The following ZFAND3 variants were observed in gnomAD, a reference collection of about 807,000 sequenced individuals.
ZFAND3 encodes AN1-type zinc finger protein 3.
A neutral mutation model predicts 29.6 loss-of-function variants in ZFAND3; 10 were observed. The observed-to-expected ratio is 0.34, with a 90% confidence interval of 0.21 to 0.57. The LOEUF is 0.57. Ranked by LOEUF, ZFAND3 falls within the 20% of genes least tolerant of loss-of-function variation. The probability of loss-of-function intolerance (pLI) is 0.86; values close to 1 mark genes in which losing one functional copy is unlikely to be tolerated. For synonymous variants in ZFAND3, 128 were observed against 112.6 expected (o/e 1.14, Z -0.87); for missense variants, 230 against 304.5 (o/e 0.76, Z 1.82).
At chr6:37,957,781 A>G (rs1377445491) in intron 2 of ZFAND3, among the ~76,000 whole-genome samples, 1 of 152,180 alleles carries the variant, frequency 6.6e-6, no homozygotes, top group Non-Finnish European at 1.5e-5. Context: ...TTTGTATGCT[A>G]GTTGCATACG....
intron 1 of ZFAND3, among the ~76,000 whole-genome samples, chr6:37,855,903 T>G (rs902868230): frequency 3.3e-5 from 5 of 152,196 alleles, no homozygotes; most frequent in African/African-American, 4.8e-5. Context: ...CATTATACCT[T>G]TCTTGAATGC....
At chr6:38,045,901 A>G (rs1763894266) in intron 2 of ZFAND3, among the ~76,000 whole-genome samples, 1 of 152,236 alleles carries the variant, frequency 6.6e-6, no homozygotes, top group Non-Finnish European at 1.5e-5. Flanking sequence ...AAATGGAAAT[A>G]CTGTGTAAGC....
intron 1 of ZFAND3, among the ~76,000 whole-genome samples, chr6:37,924,475 AGGCATGTG>A (rs1352214324): frequency 6.6e-6 from 1 of 152,168 alleles, no homozygotes; most frequent in Non-Finnish European, 1.5e-5. Context: ...GCAGGCAAAC[AGGCATGTG>A]GTGAGATATC....
At chr6:38,118,686 C>T (rs1423282110) in intron 5 of ZFAND3, among the ~76,000 whole-genome samples, 7 of 148,998 alleles carry the variant, frequency 4.7e-5, no homozygotes, top group Non-Finnish European at 1.0e-4. Context: ...AAGATGTAAC[C>T]AGGTCTCCTA....
At chr6:38,072,965 T>G (rs1764484592) in intron 3 of ZFAND3, among the ~76,000 whole-genome samples, 1 of 152,206 alleles carries the variant, frequency 6.6e-6, no homozygotes, top group Non-Finnish European at 1.5e-5. Flanking sequence ...CATTTTCAAC[T>G]ATTAGTTGCA....
At chr6:37,886,894 C>T (rs1212872090) in intron 1 of ZFAND3, among the ~76,000 whole-genome samples, 2 of 152,122 alleles carry the variant, frequency 1.3e-5, no homozygotes, top group African/African-American at 4.8e-5. Context: ...ATTCCAGCTA[C>T]TCAGGAGGCT....
At chr6:37,842,584 T>C (rs1764098817) in intron 1 of ZFAND3, among the ~76,000 whole-genome samples, 1 of 152,202 alleles carries the variant, frequency 6.6e-6, no homozygotes, top group Admixed American at 6.5e-5. Flanking sequence ...TACCCTAATT[T>C]GCTTTTTAAA....
intron 1 of ZFAND3, among the ~76,000 whole-genome samples, chr6:37,872,699 C>G (rs1158707853): frequency 6.6e-6 from 1 of 152,162 alleles, no homozygotes; most frequent in Non-Finnish European, 1.5e-5. Flanking sequence ...TTCTATGTTG[C>G]ATGTAATTTG....
chr6:37,953,441 C>CTTTTTT (rs35182018), intron 2 of ZFAND3, among the ~76,000 whole-genome samples: 5 of 106,220 alleles, frequency 4.7e-5, no homozygotes, highest in East Asian at 4.8e-4. Context: ...GCATAATTAT[C>CTTTTTT]TTTTTTTTTT....
intron 2 of ZFAND3, among the ~76,000 whole-genome samples, chr6:38,008,508 C>A (rs760119683): frequency 2.0e-5 from 3 of 152,116 alleles, no homozygotes; most frequent in Non-Finnish European, 2.9e-5. Flanking sequence ...TAGAAGTAAT[C>A]TACTCCACCC....
chr6:38,130,765 G>A (rs1223817880), intron 5 of ZFAND3, among the ~76,000 whole-genome samples: 1 of 152,102 alleles, frequency 6.6e-6, no homozygotes, highest in African/African-American at 2.4e-5. Context: ...ATATTGGTCT[G>A]TAGTTTTCTT....
At chr6:38,106,771 G>A (rs886484855) in intron 4 of ZFAND3, among the ~76,000 whole-genome samples, 5 of 152,138 alleles carry the variant, frequency 3.3e-5, no homozygotes, top group African/African-American at 9.7e-5. Flanking sequence ...ACTGTACTTA[G>A]TTTTGATTTG....
chr6:37,865,448 A>T (rs565611555), intron 1 of ZFAND3, among the ~76,000 whole-genome samples: 3 of 152,212 alleles, frequency 2.0e-5, no homozygotes, highest in East Asian at 3.8e-4. Context: ...AGCTGACTGT[A>T]TGTAAAATAT....
chr6:38,071,180 C>T (rs1363478719), intron 3 of ZFAND3, among the ~76,000 whole-genome samples: 2 of 151,542 alleles, frequency 1.3e-5, no homozygotes, highest in South Asian at 2.1e-4. Context: ...TGGTATGTTA[C>T]TTGGCTTTTA....
At chr6:38,047,561 T>G (rs1432269048) in intron 2 of ZFAND3, among the ~76,000 whole-genome samples, 1 of 152,218 alleles carries the variant, frequency 6.6e-6, no homozygotes, top group Non-Finnish European at 1.5e-5. Context: ...CCCACATATT[T>G]GGTGCCCCTC....
intron 2 of ZFAND3, among the ~76,000 whole-genome samples, chr6:38,028,706 A>C (rs1302553952): frequency 6.6e-6 from 1 of 152,194 alleles, no homozygotes; most frequent in East Asian, 1.9e-4. Flanking sequence ...TTAATGTGCC[A>C]GTGAGTAAAT....
intron 5 of ZFAND3, among the ~76,000 whole-genome samples, chr6:38,151,934 G>A (rs1043356339): frequency 5.3e-5 from 8 of 152,148 alleles, no homozygotes; most frequent in African/African-American, 1.9e-4. Context: ...CTGGAGAGGA[G>A]CGCAGAGCCC....
chr6:38,012,355 TTCC>T, intron 2 of ZFAND3, among the ~76,000 whole-genome samples: 1 of 151,704 alleles, frequency 6.6e-6, no homozygotes, highest in East Asian at 1.9e-4. Flanking sequence ...CCTGAAGAGC[TTCC>T]TCCTTTCTTT....
intron 4 of ZFAND3, among the ~76,000 whole-genome samples, chr6:38,083,254 A>AT (rs1216972177): frequency 6.6e-6 from 1 of 152,152 alleles, no homozygotes; most frequent in Non-Finnish European, 1.5e-5. Context: ...GCTCCTTTAA[A>AT]TGCTCATAAT....
Sources: gnomAD v4.1 joint callset for allele counts (sites outside exome capture counted in the v4.1 genomes callset) on GRCh38, gnomAD v4.1.1 for gene constraint, MANE v1.5 for transcripts, NCBI Gene and HGNC (gene_info 2026-07-23, HGNC 2026-07-21) for gene names.